REV1: variants seen among roughly 807,000 people sequenced by gnomAD.
REV1 encodes REV1 DNA directed polymerase.
In REV1, 42 loss-of-function variants were observed where a neutral mutation model predicts 137.4. The observed-to-expected ratio is 0.31, with a 90% CI of 0.24 to 0.40. The LOEUF (loss-of-function observed/expected upper bound fraction) is 0.40, where lower values mean the gene tolerates loss of function less well. REV1 is among the 10% of genes least tolerant of loss of function. REV1 has a pLI of 1.00. For missense variants in REV1, 1,282 were observed against 1,490.1 expected, an observed-to-expected ratio of 0.86 and a Z score of 2.30; for synonymous variants, 524 against 519.2, an observed-to-expected ratio of 1.01 and a Z score of -0.12.
At chr2:99,472,923 GGTTTT>G (rs1326050625) in intron 1 of REV1, among the ~76,000 whole-genome samples, 1 of 152,130 alleles carries the variant, frequency 6.6e-6, no homozygotes, top group Non-Finnish European at 1.5e-5. Flanking sequence ...GCTGTTTGTG[GGTTTT>G]GTTTTGATTC....
In REV1 at chr2:99,406,001, G is replaced by A; in HGVS notation, c.2720C>T (p.Ala907Val). ...ACCATTCCATTTCCCTGAAGACTCA[G>A]CCTTGTTAGTATCAGGACTGGTCGG... ...HLPTSPDTNK[A>V]ESSGKWNGLH... Residue 907 changes from alanine (A) to valine (V), a missense_variant, in exon 17 of 23, where the codon GCT (alanine) becomes GTT (valine). Physicochemically the swap from Ala to Val is moderately conservative, Grantham distance 64. This residue lies in a region of REV1 where 135 missense variants were observed against 123.3 expected (regional missense o/e 1.10). Coordinates refer to ENST00000258428, the MANE Select transcript of REV1 (RefSeq NM_016316.4). 1 of 1,614,044 alleles carries A rather than the reference G, an allele frequency of 6.2e-7. No individual in the cohort carries two copies. The highest frequency in any genetic ancestry group is 8.5e-7 in the Non-Finnish European group (1 of 1,179,972).
At chr2:99,473,907 C>T (rs1575225230) in intron 1 of REV1, among the ~76,000 whole-genome samples, 1 of 152,224 alleles carries the variant, frequency 6.6e-6, no homozygotes, top group Admixed American at 6.6e-5. Context: ...TGTTTATACA[C>T]TGCTTTGTAA....
chr2:99,423,070 T>C (rs1678891346), intron 10 of REV1, among the ~76,000 whole-genome samples: 1 of 152,206 alleles, frequency 6.6e-6, no homozygotes, highest in Non-Finnish European at 1.5e-5. Flanking sequence ...GTTAATAGAA[T>C]AGCTATAATA....
At chr2:99,483,233 G>T (rs181909608) in intron 1 of REV1, among the ~76,000 whole-genome samples, 2 of 152,082 alleles carry the variant, frequency 1.3e-5, no homozygotes, top group Non-Finnish European at 2.9e-5. Context: ...AATCTAAGTA[G>T]TTTCAACTAC....
chr2:99,479,782 T>A (rs752038690), intron 1 of REV1, among the ~76,000 whole-genome samples: 68 of 24,494 alleles, frequency 2.8e-3, no homozygotes, highest in Non-Finnish European at 4.3e-3. Context: ...AAAGTAAAAA[T>A]AATAATAATA....
At position 99,490,003 on chromosome 2, in the gene REV1, GC is replaced by G. The variant is rs1425697429; in HGVS notation, c.-198del. 6.7e-6 allele frequency: 1 copy of G among 149,284 alleles called. No homozygotes were observed. The highest frequency in any genetic ancestry group is 2.0e-4 in the East Asian group (1 of 5,064). The allele number at this position is 149,284 out of a possible 1,614,324, so 9.2% of individuals were successfully genotyped here. A position where few individuals can be genotyped will look rare whatever the true frequency, so the allele number is the denominator to read the frequency against. On this transcript the variant is annotated 5_prime_UTR_variant, in exon 1 of 23. Coordinates refer to ENST00000258428, the MANE Select transcript of REV1 (RefSeq NM_016316.4). ...GCTCGCGGCAACCAACCCCGCGCGC[GC>G]TCCGCGGTGGCTCTCCGCCCCTCCC...
At chr2:99,464,821 G>T in intron 2 of REV1, 101 bp downstream of exon 2, 1 of 1,119,654 alleles carries the variant, frequency 8.9e-7, no homozygotes, top group Non-Finnish European at 1.3e-6. Flanking sequence ...GGTGTCTAAA[G>T]TAATTTACAA....
At chr2:99,430,050 G>A (rs773504209) in intron 8 of REV1, 102 bp from the exon 9 acceptor site, 15 of 633,746 alleles carry the variant, frequency 2.4e-5, no homozygotes, top group Non-Finnish European at 3.6e-5. Context: ...AAAATGTTCA[G>A]TAAATTCCAA....
intron 1 of REV1, among the ~76,000 whole-genome samples, chr2:99,480,280 G>A (rs886768598): frequency 1.3e-4 from 20 of 152,120 alleles, no homozygotes; most frequent in African/African-American, 4.3e-4. Context: ...CCATCATCAC[G>A]TCACTGCACT....
chr2:99,402,386 T>C, intron 21 of REV1, 40 bp from the exon 22 acceptor site: 3 of 1,032,856 alleles, frequency 2.9e-6, no homozygotes, highest in Non-Finnish European at 4.4e-6. Flanking sequence ...ACCAGTCTTT[T>C]TGAAGGAGAA....
chr2:99,458,313 T>C (rs1683759634), intron 3 of REV1, among the ~76,000 whole-genome samples: 1 of 152,156 alleles, frequency 6.6e-6, no homozygotes, highest in South Asian at 2.1e-4. Flanking sequence ...AATGATGATG[T>C]AAAGATAAGA....
Position 99,434,438 on chromosome 2 carries a change from C to A in REV1, c.1332G>T (p.Val444=). The stretch of plus-strand genomic sequence containing the variant: ...CTGTGCCTCTGTTACTTGTAACAGC[C>A]ACTGGTTTTCCTGTGAGGAAAATAT... The part of the protein sequence containing the change: ...RNRPDLKGKP[V]AVTSNRGTGR... The change falls in exon 8 of 23, where the codon GTG becomes GTT. Residue 444 remains valine, a synonymous_variant. Transcript: ENST00000258428. 1 of 1,594,138 alleles carries A rather than the reference C, an allele frequency of 6.3e-7. No homozygotes were observed. Among genetic ancestry groups the A allele is most frequent in the Non-Finnish European group, 8.6e-7 (1 of 1,168,846 alleles).
chr2:99,419,719 C>T (rs541901532), intron 11 of REV1, among the ~76,000 whole-genome samples: 11 of 152,200 alleles, frequency 7.2e-5, no homozygotes, highest in African/African-American at 9.6e-5. Flanking sequence ...GTGAGGTTCA[C>T]GGTGTAGGTG....
At chr2:99,473,932 T>G (rs1037909222) in intron 1 of REV1, among the ~76,000 whole-genome samples, 1 of 152,238 alleles carries the variant, frequency 6.6e-6, no homozygotes, top group East Asian at 1.9e-4. Flanking sequence ...AAGTACAGTA[T>G]GCAATCCTGC....
chr2:99,440,293 A>C (rs1681314297), intron 5 of REV1, among the ~76,000 whole-genome samples: 1 of 152,244 alleles, frequency 6.6e-6, no homozygotes, highest in East Asian at 1.9e-4. Flanking sequence ...GGAATGTCCA[A>C]ATGTCCATAG....
At chr2:99,466,002 C>T (rs1022477767) in intron 1 of REV1, among the ~76,000 whole-genome samples, 4 of 152,132 alleles carry the variant, frequency 2.6e-5, no homozygotes, top group African/African-American at 9.7e-5. Context: ...AGTGCAGTGG[C>T]GCAATCTCGG....
chr2:99,428,200 A>C (rs1679634243), intron 9 of REV1, among the ~76,000 whole-genome samples: 1 of 152,148 alleles, frequency 6.6e-6, no homozygotes, highest in Non-Finnish European at 1.5e-5. Context: ...AAGGACTGGG[A>C]ATATTTCTGG....
intron 3 of REV1, among the ~76,000 whole-genome samples, chr2:99,452,279 T>A (rs1215717978): frequency 1.3e-5 from 2 of 151,898 alleles, no homozygotes; most frequent in African/African-American, 4.8e-5. Context: ...GGAAAAAAAT[T>A]AACCAGGTGT....
chr2:99,475,933 A>G (rs1685917776), intron 1 of REV1, among the ~76,000 whole-genome samples: 1 of 152,238 alleles, frequency 6.6e-6, no homozygotes. Context: ...CAGCAAGCTG[A>G]GATCATGCCA....
Sources: gnomAD v4.1 joint callset for allele counts (sites outside exome capture counted in the v4.1 genomes callset) on GRCh38, gnomAD v4.1.1 for gene constraint, gnomAD v4.1.1 regional missense constraint, MANE v1.5 for transcripts, NCBI Gene and HGNC (gene_info 2026-07-23, HGNC 2026-07-21) for gene names.